Variants in ITGAL observed in about 807,000 individuals in gnomAD.
The protein encoded by ITGAL is integrin subunit alpha L.
A neutral mutation model predicts 138.4 loss-of-function variants in ITGAL; 68 were observed. The observed-to-expected ratio is 0.49, with a 90% CI of 0.40 to 0.60. ITGAL has a LOEUF of 0.60. Ranked by LOEUF, ITGAL falls within the 20% of genes least tolerant of loss-of-function variation. ITGAL has a pLI of 0.00. For synonymous variants in ITGAL, 561 were observed against 584.3 expected, an observed-to-expected ratio of 0.96 and a Z score of 0.57; for missense variants, 1,256 against 1,478.6, an observed-to-expected ratio of 0.85 and a Z score of 2.47.
In ITGAL at chr16:30,508,265, G is replaced by A. The variant is rs1315302737; in HGVS notation, c.2508+1409G>A. ...TCTTGCTCTTGTCCCCCAGGCTAAA[G>A]TGCAATGGCGCAATCTCGGCTCACT... is the stretch of plus-strand genomic sequence containing the variant. On this transcript the variant is annotated intron_variant, in intron 21 of 30. Transcript: ENST00000356798. Among the ~76,000 whole-genome samples the A allele has an allele frequency of 9.8e-5, 13 of 132,740 alleles. No homozygotes were observed. The Admixed American group carries it at 1.0e-3, about 11-fold the overall frequency. The allele number at this position is 132,740 out of a possible 152,430, so 87.1% of individuals were successfully genotyped here.
intron 17 of ITGAL, among the ~76,000 whole-genome samples, chr16:30,501,593 A>T (rs916719681): frequency 2.0e-4 from 31 of 151,780 alleles, no homozygotes; most frequent in South Asian, 1.5e-3. Flanking sequence ...AAAAAAAAAA[A>T]ATTAAAATAT....
At chr16:30,506,637 G>A in intron 20 of ITGAL, 78 bp from the exon 21 acceptor site, 1 of 927,702 alleles carries the variant, frequency 1.1e-6, no homozygotes, top group East Asian at 4.8e-5. Flanking sequence ...ATTTCTTTCT[G>A]GCCCACCAGA....
In ITGAL at chr16:30,511,055, A is replaced by G. The variant is rs1362900426; in HGVS notation, c.2705A>G (p.Asn902Ser). Residue 902 changes from asparagine to serine, a missense_variant, in exon 24 of 31, where the codon AAT becomes AGT. Coordinates refer to ENST00000356798, the MANE Select transcript of ITGAL (RefSeq NM_002209.3). The part of the protein sequence containing the change: ...VELHANVTCN[N>S]EDSDLLEDNS... ...TCTTCCTTGCCCCAATGCAGTAACA[A>G]TGAGGACTCAGACCTCCTGGAGGAC... is the stretch of plus-strand genomic sequence containing the variant. 3 of 1,613,804 alleles carry G rather than the reference A, an allele frequency of 1.9e-6. No homozygotes were observed. Among genetic ancestry groups the G allele is most frequent in the Non-Finnish European group, 2.5e-6 (3 of 1,179,786 alleles).
chr16:30,518,305 C>A (rs148791063), intron 28 of ITGAL, among the ~76,000 whole-genome samples: 3 of 151,854 alleles, frequency 2.0e-5, no homozygotes, highest in Non-Finnish European at 4.4e-5. Flanking sequence ...AAACTTTAGC[C>A]GGGCGTGGTG....
chr16:30,520,043 G>A (rs2051230197), intron 30 of ITGAL, 76 bp downstream of exon 30: 8 of 1,118,462 alleles, frequency 7.2e-6, no homozygotes, highest in South Asian at 1.3e-5. Context: ...AGCCAGGGAG[G>A]AGAATACCAA....
intron 1 of ITGAL, among the ~76,000 whole-genome samples, chr16:30,473,222 A>G (rs1396784004): frequency 6.6e-6 from 1 of 152,196 alleles, no homozygotes; most frequent in Non-Finnish European, 1.5e-5. Context: ...ACTTGAGGTC[A>G]GGAATTTAAG....
chr16:30,518,306 G>A lies in ITGAL; in HGVS notation c.3133-318G>A, dbSNP rs1157197093. Among the ~76,000 whole-genome samples, 4 of 151,990 alleles carry A rather than the reference G, an allele frequency of 2.6e-5. No individual in the cohort carries two copies. The South Asian group carries it at 6.2e-4, about 24-fold the overall frequency. On this transcript the variant is annotated intron_variant, in intron 28 of 30. Transcript: ENST00000356798. ...GTACTAAAAATACAAAACTTTAGCC[G>A]GGCGTGGTGGCACATGCCTGTAATC... is the stretch of plus-strand genomic sequence containing the variant.
chr16:30,504,663 G>A (rs149991840), intron 18 of ITGAL, among the ~76,000 whole-genome samples: 2 of 151,064 alleles, frequency 1.3e-5, no homozygotes, highest in Non-Finnish European at 2.9e-5. Flanking sequence ...AGCTATGATT[G>A]CACCACTGCC....
chr16:30,511,212 T>C, intron 24 of ITGAL, 76 bp downstream of exon 24: 1 of 1,127,110 alleles, frequency 8.9e-7, no homozygotes, highest in Non-Finnish European at 1.4e-6. Flanking sequence ...ACTTTGCTCC[T>C]GGGGCTCTCC....
In ITGAL at chr16:30,499,012, C is replaced by T; in HGVS notation, c.1833-62C>T. On this transcript the variant is annotated intron_variant, in intron 15 of 30. Coordinates refer to ENST00000356798, the MANE Select transcript of ITGAL (RefSeq NM_002209.3). ...TCTGGCTTTGCTGGCGGGAGCCCCACATCTGAGGGGGGACGTGCAGTTGGG... is the reference window on the plus strand; with the variant it reads ...TCTGGCTTTGCTGGCGGGAGCCCCATATCTGAGGGGGGACGTGCAGTTGGG... The T allele has an allele frequency of 1.9e-6, 3 of 1,542,964 alleles. No homozygotes were observed. The South Asian group carries it at 3.5e-5, about 18-fold the overall frequency.
chr16:30,510,650 G>T (rs1230967227), intron 22 of ITGAL, among the ~76,000 whole-genome samples, 179 bp downstream of exon 22: 1 of 152,156 alleles, frequency 6.6e-6, no homozygotes, highest in East Asian at 1.9e-4. Context: ...CTGGACTTTA[G>T]AATCAGGCAA....
chr16:30,516,955 C>A lies in ITGAL; in HGVS notation c.2863-18C>A. ...TGGCTGGCATTCAGGGCTCTGCATC[C>A]CTTGTCCTCTGTGCCAGGTGAGGAT... On this transcript the variant is annotated intron_variant, in intron 25 of 30. Coordinates refer to ENST00000356798, the MANE Select transcript of ITGAL (RefSeq NM_002209.3). The A allele has an allele frequency of 1.9e-6, 3 of 1,573,102 alleles. No individual in the cohort carries two copies. Among genetic ancestry groups the A allele is most frequent in the Non-Finnish European group, 2.6e-6 (3 of 1,142,810 alleles).
chr16:30,502,119 C>T (rs1013102230), intron 17 of ITGAL, among the ~76,000 whole-genome samples: 5 of 152,084 alleles, frequency 3.3e-5, no homozygotes, highest in South Asian at 2.1e-4. Context: ...TTAATATGGC[C>T]GGGCGCGGTG....
Position 30,506,851 on chromosome 16 carries a change from C to G in ITGAL, c.2503C>G (p.Leu835Val). 1.9e-6 allele frequency: 3 copies of G among 1,613,854 alleles called. No individual in the cohort carries two copies. Among genetic ancestry groups the G allele is most frequent in the Non-Finnish European group, 2.5e-6 (3 of 1,179,818 alleles). ...ACTCTCCTTCCGCAAGGTGGAGATG[C>G]TGAAGGTGGGTGAGAGGACAGCGCC... is the stretch of plus-strand genomic sequence containing the variant. Reference protein sequence around the residue: ...PGLSFRKVEMLKPHSQIPVSC... With the variant: ...PGLSFRKVEMVKPHSQIPVSC... Residue 835 changes from leucine to valine, a missense_variant, in exon 21 of 31, where the codon CTG (leucine) becomes GTG (valine). Leu to Val is a conservative substitution (Grantham distance 32). Transcript: ENST00000356798.
At chr16:30,474,141 C>A in intron 1 of ITGAL, 55 bp from the exon 2 acceptor site, 2 of 1,337,120 alleles carry the variant, frequency 1.5e-6, no homozygotes, top group Non-Finnish European at 1.0e-6. Flanking sequence ...ACCTGCTGGG[C>A]ACGTGCAGGG....
At chr16:30,495,233 C>A (rs1652837317) in intron 13 of ITGAL, among the ~76,000 whole-genome samples, 1 of 152,156 alleles carries the variant, frequency 6.6e-6, no homozygotes. Context: ...CCATGTTGGT[C>A]AGGCTGGTCT....
intron 11 of ITGAL, among the ~76,000 whole-genome samples, chr16:30,491,094 A>G (rs935243217): frequency 6.6e-6 from 1 of 151,460 alleles, no homozygotes; most frequent in Non-Finnish European, 1.5e-5. Flanking sequence ...AAAAAAAAGA[A>G]GAAATGACTC....
intron 11 of ITGAL, among the ~76,000 whole-genome samples, chr16:30,492,562 CT>C (rs879601094): frequency 8.7e-4 from 112 of 129,456 alleles, no homozygotes; most frequent in Admixed American, 1.2e-3. Flanking sequence ...AACATGGTAT[CT>C]TTTTTTTTTT....
chr16:30,480,266 G>A (rs563363651), intron 6 of ITGAL, among the ~76,000 whole-genome samples: 26 of 152,232 alleles, frequency 1.7e-4, no homozygotes, highest in African/African-American at 5.8e-4. Flanking sequence ...TTGCGTCTTT[G>A]CTTCCTTCTT....
Sources: gnomAD v4.1 joint callset for allele counts (sites outside exome capture counted in the v4.1 genomes callset) on GRCh38, gnomAD v4.1.1 for gene constraint, MANE v1.5 for transcripts, NCBI Gene and HGNC (gene_info 2026-07-23, HGNC 2026-07-21) for gene names.